TIE1: variants seen among roughly 807,000 people sequenced by gnomAD.
TIE1 encodes the protein tyrosine kinase with immunoglobulin like and EGF like domains 1.
In TIE1, 89 loss-of-function variants were observed where a neutral mutation model predicts 130.5. That is an observed-to-expected ratio of 0.68 (90% CI 0.57 to 0.81). The LOEUF (loss-of-function observed/expected upper bound fraction) is 0.81, where lower values mean the gene tolerates loss of function less well. Among genes scored for constraint, TIE1 ranks in the 40% least tolerant of loss-of-function variants. TIE1 has a pLI of 0.00. For synonymous variants in TIE1, 568 were observed against 629.4 expected, an observed-to-expected ratio of 0.90 and a Z score of 1.46; for missense variants, 1,392 against 1,559.8, an observed-to-expected ratio of 0.89 and a Z score of 1.81.
chr1:43,313,455 G>A lies in TIE1; in HGVS notation c.2218+30G>A, dbSNP rs758723574. On this transcript the variant is annotated intron_variant, in intron 13 of 22. Transcript: ENST00000372476. This position sits in a 1 kb window ranked among gnomAD's most constrained non-coding sequence, Gnocchi z 6.2. ...GAGGGCAGGGCCCACAGGACCCCCC[G>A]GGCTCTGAGCGGGGAGAGCTCAGCA... The A allele has an allele frequency of 1.1e-5, 17 of 1,611,984 alleles. No individual in the cohort carries two copies. The East Asian group carries it at 1.6e-4, about 15-fold the overall frequency.
chr1:43,314,230 A>G (rs2153912225), intron 14 of TIE1: 1 of 682,908 alleles, frequency 1.5e-6, no homozygotes, highest in Non-Finnish European at 2.3e-6. Context: ...CGTGATGACC[A>G]TATTTCACAA....
Position 43,321,437 on chromosome 1 carries a change from G to A in TIE1, c.3190G>A (p.Glu1064Lys), listed in dbSNP as rs763827781. Residue 1064 changes from glutamate (E) to lysine (K), a missense_variant, in exon 21 of 23, where the codon GAA becomes AAA. This residue lies in a region of TIE1 where 104 missense variants were observed against 129.3 expected (regional missense o/e 0.80). Transcript: ENST00000372476. ...YCGMTCAELY[E>K]KLPQGYRMEQ... ...TGGCATGACCTGTGCCGAGCTCTAT[G>A]AAAAGCTGCCCCAGGGCTACCGCAT... 2 of 1,614,060 alleles carry A rather than the reference G, an allele frequency of 1.2e-6. No individual in the cohort carries two copies. The highest frequency in any genetic ancestry group is 1.1e-5 in the South Asian group (1 of 91,080).
chr1:43,313,121 C>A lies in TIE1; in HGVS notation c.1928-14C>A, dbSNP rs760209651. Reference sequence around the variant, plus strand: ...GTCCTATCTGAGCCTTGCCTTCCCCCACCATCTCCCCAGGGCCTCCAGCCC... The same window carrying A: ...GTCCTATCTGAGCCTTGCCTTCCCCAACCATCTCCCCAGGGCCTCCAGCCC... On this transcript the variant is annotated splice_polypyrimidine_tract_variant and intron_variant, in intron 12 of 22. Coordinates refer to ENST00000372476, the MANE Select transcript of TIE1 (RefSeq NM_005424.5). The surrounding 1 kb of genome is among the most constrained non-coding windows in gnomAD (Gnocchi z 6.2). 1.3e-6 allele frequency: 2 copies of A among 1,591,972 alleles called. No individual in the cohort carries two copies. Among genetic ancestry groups the A allele is most frequent in the Admixed American group, 1.7e-5 (1 of 58,554 alleles).
Position 43,313,642 on chromosome 1 carries a change from C to A in TIE1, c.2219-136C>A. 1.8e-6 allele frequency: 2 copies of A among 1,105,564 alleles called. No homozygotes were observed. Among genetic ancestry groups the A allele is most frequent in the Non-Finnish European group, 2.5e-6 (2 of 790,624 alleles). The allele number at this position is 1,105,564 out of a possible 1,614,324, so 68.5% of individuals were successfully genotyped here. On this transcript the variant is annotated intron_variant, in intron 13 of 22. Coordinates refer to ENST00000372476, the MANE Select transcript of TIE1 (RefSeq NM_005424.5). The surrounding 1 kb of genome is among the most constrained non-coding windows in gnomAD (Gnocchi z 6.2). ...GCCCCTCTGACACCCCTCATCCCTT[C>A]CTTCATGTGGCCCAAGTGATTTCCT...
chr1:43,322,689 C>T lies in TIE1; in HGVS notation c.3384C>T (p.Tyr1128=), dbSNP rs773113655. 43 of 1,614,008 alleles carry T rather than the reference C, an allele frequency of 2.7e-5. No individual in the cohort carries two copies. In the East Asian group the frequency reaches 3.1e-4, roughly 12 times the overall value. ...TGTCGCTGTTTGAGAACTTCACTTA[C>T]GCGGGCATTGATGCCACAGCTGAGG... ...VNMSLFENFT[Y]AGIDATAEEA is the part of the protein sequence containing the mutation. Residue 1128 remains tyrosine, a synonymous_variant, in exon 23 of 23, where the codon TAC becomes TAT. Transcript: ENST00000372476. This position sits in a 1 kb window ranked among gnomAD's most constrained non-coding sequence, Gnocchi z 4.0.
chr1:43,311,720 C>G lies in TIE1; in HGVS notation c.1383C>G (p.Arg461=). The change falls in exon 10 of 23, where the codon CGC becomes CGG. Residue 461 remains arginine (R), a synonymous_variant. Transcript: ENST00000372476. ...AAPRLLTKQS[R]QLVVSPLVSF... ...CTCGGCTCCTGACCAAGCAGAGCCG[C>G]CAGCTTGTGGTCTCCCCGCTGGTCT... The G allele has an allele frequency of 1.9e-6, 3 of 1,614,076 alleles. No individual in the cohort carries two copies. Among genetic ancestry groups the G allele is most frequent in the South Asian group, 1.1e-5 (1 of 91,070 alleles).
In TIE1 at chr1:43,315,957, G is replaced by A. The variant is rs771670857; in HGVS notation, c.2410-1242G>A. ...ACCTGTGGTCCCAACTACTCGGGAGGCTGAGGTGGGAGGATTGCCTGTGCC... is the reference window on the plus strand; with the variant it reads ...ACCTGTGGTCCCAACTACTCGGGAGACTGAGGTGGGAGGATTGCCTGTGCC... On this transcript the variant is annotated intron_variant, in intron 14 of 22. Coordinates refer to ENST00000372476, the MANE Select transcript of TIE1 (RefSeq NM_005424.5). This position sits in a 1 kb window ranked among gnomAD's most constrained non-coding sequence, Gnocchi z 4.4. 2.0e-5 allele frequency among the ~76,000 whole-genome samples: 3 copies of A among 152,196 alleles called. No individual in the cohort carries two copies. The highest frequency in any genetic ancestry group is 2.9e-5 in the Non-Finnish European group (2 of 68,040).
intron 14 of TIE1, chr1:43,314,421 A>G: frequency 9.1e-7 from 1 of 1,094,168 alleles, no homozygotes; most frequent in Admixed American, 4.9e-5. Context: ...GTCTGCACAC[A>G]TCTTTGGCTG....
At chr1:43,305,406 T>C in intron 3 of TIE1, 63 bp downstream of exon 3, 1 of 1,428,052 alleles carries the variant, frequency 7.0e-7, no homozygotes, top group Non-Finnish European at 9.3e-7. Context: ...CCCAACACTT[T>C]CATGACCCAT....
Position 43,317,708 on chromosome 1 carries a change from C to T in TIE1, c.2731+34C>T. 6.5e-7 allele frequency: 1 copy of T among 1,538,206 alleles called. No individual in the cohort carries two copies. The highest frequency in any genetic ancestry group is 8.8e-7 in the Non-Finnish European group (1 of 1,133,162). ...CCAGCTCATCACCTACCCCTTCTTC[C>T]AAACCCCCATCCTCAGCCATCACCT... On this transcript the variant is annotated intron_variant, in intron 16 of 22. Transcript: ENST00000372476. The surrounding 1 kb of genome is among the most constrained non-coding windows in gnomAD (Gnocchi z 5.1).
chr1:43,319,560 C>T lies in TIE1; in HGVS notation c.3107+31C>T. On this transcript the variant is annotated intron_variant, in intron 19 of 22. Coordinates refer to ENST00000372476, the MANE Select transcript of TIE1 (RefSeq NM_005424.5). The surrounding 1 kb of genome is among the most constrained non-coding windows in gnomAD (Gnocchi z 4.7). ...TGTGAGATGAGAGGGCACAGGAGGG[C>T]TTGGCCCCCAAGAATCACCCAGGCC... 6.2e-7 allele frequency: 1 copy of T among 1,608,432 alleles called. No individual in the cohort carries two copies. Among genetic ancestry groups the T allele is most frequent in the South Asian group, 1.1e-5 (1 of 90,948 alleles).
At position 43,317,818 on chromosome 1, in the gene TIE1, G is replaced by T; in HGVS notation, c.2732-64G>T. 1.9e-6 allele frequency: 3 copies of T among 1,573,128 alleles called. No homozygotes were observed. Reference sequence around the variant, plus strand: ...CTTCATCCCTGTCTGTTACCATCGGGTGCCTGCTCCCACCCTAGGTTGCCT... The same window carrying T: ...CTTCATCCCTGTCTGTTACCATCGGTTGCCTGCTCCCACCCTAGGTTGCCT... On this transcript the variant is annotated intron_variant, in intron 16 of 22. Coordinates refer to ENST00000372476, the MANE Select transcript of TIE1 (RefSeq NM_005424.5). This position sits in a 1 kb window ranked among gnomAD's most constrained non-coding sequence, Gnocchi z 5.1.
chr1:43,309,319 G>C lies in TIE1; in HGVS notation c.1189-69G>C, dbSNP rs541371889. On this transcript the variant is annotated intron_variant, in intron 8 of 22. Coordinates refer to ENST00000372476, the MANE Select transcript of TIE1 (RefSeq NM_005424.5). This position sits in a 1 kb window ranked among gnomAD's most constrained non-coding sequence, Gnocchi z 6.3. Reference sequence around the variant, plus strand: ...CCTCTGTCCTGCCATCAGTCCAGACGGACACCTGGGTGCCTGCCACAGAGG... The same window carrying C: ...CCTCTGTCCTGCCATCAGTCCAGACCGACACCTGGGTGCCTGCCACAGAGG... The C allele has an allele frequency of 2.0e-6, 3 of 1,533,804 alleles. No homozygotes were observed. In the South Asian group the frequency reaches 3.9e-5, roughly 20 times the overall value.
Position 43,318,538 on chromosome 1 carries a change from T to A in TIE1, c.2922+466T>A, listed in dbSNP as rs1204998201. Among the ~76,000 whole-genome samples the A allele has an allele frequency of 6.6e-6, 1 of 151,488 alleles. No individual in the cohort carries two copies. Among genetic ancestry groups the A allele is most frequent in the African/African-American group, 2.4e-5 (1 of 41,242 alleles). Reference sequence around the variant, plus strand: ...TTTTTTTTTGAGACTGAGTCTCACTTTTTTGCCCAGGCTGGAGTGCAGTGG... The same window carrying A: ...TTTTTTTTTGAGACTGAGTCTCACTATTTTGCCCAGGCTGGAGTGCAGTGG... On this transcript the variant is annotated intron_variant, in intron 17 of 22. Transcript: ENST00000372476. This position sits in a 1 kb window ranked among gnomAD's most constrained non-coding sequence, Gnocchi z 4.4.
chr1:43,320,186 T>C (rs1479677126), intron 19 of TIE1: 1 of 153,264 alleles, frequency 6.5e-6, no homozygotes, highest in Non-Finnish European at 1.5e-5. Flanking sequence ...ACACAGAGGC[T>C]GTTAAAGTGT....
chr1:43,306,695 C>A lies in TIE1; in HGVS notation c.485-145C>A. On this transcript the variant is annotated intron_variant, in intron 3 of 22. Transcript: ENST00000372476. The surrounding 1 kb of genome is among the most constrained non-coding windows in gnomAD (Gnocchi z 4.9). ...AAGAGGGCACTTCTGAGCTTTCTGG[C>A]GTGGGCATAGGCTCTCGTGGTGCCG... 1.9e-6 allele frequency: 2 copies of A among 1,041,486 alleles called. No homozygotes were observed. The highest frequency in any genetic ancestry group is 2.8e-6 in the Non-Finnish European group (2 of 719,962). The allele number at this position is 1,041,486 out of a possible 1,614,324, so 64.5% of individuals were successfully genotyped here.
chr1:43,319,164 A>C lies in TIE1; in HGVS notation c.2923-71A>C. On this transcript the variant is annotated intron_variant, in intron 17 of 22. Transcript: ENST00000372476. This position sits in a 1 kb window ranked among gnomAD's most constrained non-coding sequence, Gnocchi z 4.7. Reference sequence around the variant, plus strand: ...GTAACAAGGGTACCCACGAAGACTGACTCCTTACTGGCCTGACTGTCCTGG... The same window carrying C: ...GTAACAAGGGTACCCACGAAGACTGCCTCCTTACTGGCCTGACTGTCCTGG... 4 of 1,137,306 alleles carry C rather than the reference A, an allele frequency of 3.5e-6. No homozygotes were observed. The highest frequency in any genetic ancestry group is 1.7e-5 in the Admixed American group (1 of 58,496). The allele number at this position is 1,137,306 out of a possible 1,614,324, so 70.5% of individuals were successfully genotyped here. A position where few individuals can be genotyped will look rare whatever the true frequency, so the allele number is the denominator to read the frequency against.
intron 1 of TIE1, among the ~76,000 whole-genome samples, chr1:43,303,595 T>C (rs1646692098): frequency 6.6e-6 from 1 of 152,136 alleles, no homozygotes; most frequent in African/African-American, 2.4e-5. Context: ...TTCTGGGTCC[T>C]GGAGCTAAGG....
At chr1:43,321,819 C>A (rs1646923756) in intron 22 of TIE1, 104 bp downstream of exon 22, 8 of 1,103,800 alleles carry the variant, frequency 7.2e-6, no homozygotes, top group Non-Finnish European at 1.1e-5. Flanking sequence ...GCCTGCCCAA[C>A]CTCCCTCAGT....
Sources: allele counts gnomAD v4.1 joint callset (sites outside exome capture counted in the v4.1 genomes callset), GRCh38; gene constraint gnomAD v4.1.1; regional missense constraint gnomAD v4.1.1; non-coding constraint Gnocchi (gnomAD v3.1); transcripts MANE v1.5; gene names NCBI Gene and HGNC (gene_info 2026-07-23, HGNC 2026-07-21).